Variants in TXNDC11 observed in about 807,000 individuals in gnomAD.
TXNDC11 encodes thioredoxin domain containing 11.
TXNDC11 carries 68 observed loss-of-function variants against 78.0 expected under a neutral mutation model. The ratio of observed to expected loss-of-function variants is 0.87; its 90% CI spans 0.72 to 1.07. The LOEUF (loss-of-function observed/expected upper bound fraction) is 1.07. TXNDC11 is among the 50% of genes least tolerant of loss of function. The pLI is 0.00. For missense variants in TXNDC11, 1,389 were observed against 1,221.8 expected (o/e 1.14, Z -2.04); for synonymous variants, 571 against 495.2 (o/e 1.15, Z -2.03).
In TXNDC11 at chr16:11,691,612, G is replaced by A; in HGVS notation, c.1578C>T (p.Val526=). ...VSGFIDSEQG[V]FEAPTVAFSS... is the part of the protein sequence containing the mutation. ...AAAATGCAACAGTAGGGGCTTCAAA[G>A]ACACCTTGTTCAGAGTCGATGAAGC... The change falls in exon 8 of 12, where the codon GTC becomes GTT. Residue 526 remains valine, a synonymous_variant. Coordinates refer to ENST00000283033, the MANE Select transcript of TXNDC11 (RefSeq NM_015914.7). The A allele has an allele frequency of 6.2e-7, 1 of 1,614,192 alleles. No homozygotes were observed. The highest frequency in any genetic ancestry group is 8.5e-7 in the Non-Finnish European group (1 of 1,180,046).
intron 4 of TXNDC11, among the ~76,000 whole-genome samples, chr16:11,725,226 T>C (rs1308371978): frequency 6.6e-6 from 1 of 152,072 alleles, no homozygotes; most frequent in Non-Finnish European, 1.5e-5. Context: ...GTGACTATCA[T>C]ACACAAAATA....
chr16:11,723,447 T>C (rs962408232), intron 4 of TXNDC11, among the ~76,000 whole-genome samples: 5 of 151,874 alleles, frequency 3.3e-5, no homozygotes, highest in Admixed American at 6.6e-5. Flanking sequence ...TAGCCAGCCA[T>C]GGTGGTGCAC....
At chr16:11,741,359 A>T (rs574509062) in intron 1 of TXNDC11, among the ~76,000 whole-genome samples, 1 of 152,246 alleles carries the variant, frequency 6.6e-6, no homozygotes, top group South Asian at 2.1e-4. Context: ...TATACAGCAA[A>T]TTTTGTATGT....
chr16:11,740,711 C>G (rs1480086252), intron 1 of TXNDC11, among the ~76,000 whole-genome samples: 1 of 152,212 alleles, frequency 6.6e-6, no homozygotes, highest in South Asian at 2.1e-4. Context: ...ATAAAGGATT[C>G]AAATTCCAGC....
rs1419689993 is a variant in TXNDC11, at chr16:11,691,854, C to T, written c.1336G>A (p.Val446Ile). ...TTCATGCCCCCGGAGGTCTGGTTGA[C>T]ACAGAGTTCACAGACGTTGTGGGTC... is the stretch of plus-strand genomic sequence containing the variant. Reference protein sequence around the residue: ...SRTHNVCELCVNQTSGGMKPS... With the variant: ...SRTHNVCELCINQTSGGMKPS... Residue 446 changes from valine to isoleucine, a missense_variant, in exon 8 of 12, where the codon GTC becomes ATC. Val to Ile is a conservative substitution (Grantham distance 29). Coordinates refer to ENST00000283033, the MANE Select transcript of TXNDC11 (RefSeq NM_015914.7). 4 of 1,614,148 alleles carry T rather than the reference C, an allele frequency of 2.5e-6. No individual in the cohort carries two copies. In the East Asian group the frequency reaches 6.7e-5, roughly 27 times the overall value.
At chr16:11,686,996 T>A (rs1028485074) in intron 10 of TXNDC11, among the ~76,000 whole-genome samples, 1 of 152,176 alleles carries the variant, frequency 6.6e-6, no homozygotes, top group Non-Finnish European at 1.5e-5. Flanking sequence ...TATCAAAAAC[T>A]CTCCCAACAT....
chr16:11,731,686 T>C (rs1469913840), intron 3 of TXNDC11, among the ~76,000 whole-genome samples: 1 of 140,308 alleles, frequency 7.1e-6, no homozygotes, highest in African/African-American at 3.0e-5. Context: ...GTTACAGAAA[T>C]TCACACACAC....
chr16:11,700,386 G>T lies in TXNDC11; in HGVS notation c.906+66C>A, dbSNP rs890351886. The T allele has an allele frequency of 9.9e-6, 7 of 704,166 alleles. No individual in the cohort carries two copies. In the African/African-American group the frequency reaches 1.1e-4, roughly 11 times the overall value. The allele number at this position is 704,166 out of a possible 1,614,324, so 43.6% of individuals were successfully genotyped here. On this transcript the variant is annotated intron_variant, in intron 6 of 11. Transcript: ENST00000283033. ...CATAGATTTTAACCAATTCTCAAAG[G>T]AGTCTGTGACCTAAACAAGGTTAAG... is the stretch of plus-strand genomic sequence containing the variant.
intron 5 of TXNDC11, among the ~76,000 whole-genome samples, chr16:11,710,321 A>C (rs1484568298): frequency 9.3e-6 from 1 of 107,566 alleles, no homozygotes; most frequent in East Asian, 2.2e-4. Flanking sequence ...AGTCAGCTAG[A>C]TGAGGTCTCT....
chr16:11,731,425 C>A (rs912329875), intron 3 of TXNDC11, among the ~76,000 whole-genome samples: 1 of 152,178 alleles, frequency 6.6e-6, no homozygotes, highest in East Asian at 1.9e-4. Context: ...TAAGTGATAC[C>A]ACCACTATTC....
intron 8 of TXNDC11, 58 bp from the exon 9 acceptor site, chr16:11,688,503 C>G: frequency 2.1e-6 from 3 of 1,412,764 alleles, no homozygotes; most frequent in South Asian, 2.7e-5. Context: ...GAATAGCTGG[C>G]CTACTTTTAA....
intron 1 of TXNDC11, among the ~76,000 whole-genome samples, chr16:11,739,444 T>C (rs576062687): frequency 1.3e-5 from 2 of 152,012 alleles, no homozygotes; most frequent in Non-Finnish European, 2.9e-5. Flanking sequence ...GGCAGGAGAA[T>C]TACTTGAGCC....
intron 5 of TXNDC11, chr16:11,703,684 T>C: frequency 1.4e-6 from 1 of 702,804 alleles, no homozygotes; most frequent in Non-Finnish European, 2.6e-6. Flanking sequence ...CACGTAGATC[T>C]TGGTTTCTAA....
intron 4 of TXNDC11, among the ~76,000 whole-genome samples, chr16:11,726,738 T>G (rs1381739164): frequency 6.6e-6 from 1 of 152,106 alleles, no homozygotes; most frequent in African/African-American, 2.4e-5. Flanking sequence ...CATACATGAA[T>G]AGAGTTCCAT....
intron 5 of TXNDC11, among the ~76,000 whole-genome samples, chr16:11,715,022 G>A (rs921373717): frequency 2.0e-5 from 3 of 152,088 alleles, no homozygotes; most frequent in South Asian, 2.1e-4. Flanking sequence ...AGGCCAAAGC[G>A]GGAGGATTGC....
At chr16:11,701,224 T>C (rs988302298) in intron 5 of TXNDC11, among the ~76,000 whole-genome samples, 1 of 146,720 alleles carries the variant, frequency 6.8e-6, no homozygotes, top group Non-Finnish European at 1.5e-5. Context: ...ACAACCTCCG[T>C]CTCATGGGCT....
At chr16:11,710,321 A>G (rs1484568298) in intron 5 of TXNDC11, among the ~76,000 whole-genome samples, 1 of 107,566 alleles carries the variant, frequency 9.3e-6, no homozygotes, top group Admixed American at 7.8e-5. Flanking sequence ...AGTCAGCTAG[A>G]TGAGGTCTCT....
intron 4 of TXNDC11, among the ~76,000 whole-genome samples, chr16:11,729,822 G>C (rs377005041): frequency 2.0e-5 from 3 of 152,168 alleles, no homozygotes; most frequent in African/African-American, 7.2e-5. Flanking sequence ...GCTGGGCGTG[G>C]CGTCCCACAC....
At chr16:11,702,272 A>C (rs542765095) in intron 5 of TXNDC11, among the ~76,000 whole-genome samples, 83 of 152,264 alleles carry the variant, frequency 5.5e-4, no homozygotes, top group African/African-American at 1.9e-3. Context: ...GTGTGATTAT[A>C]AAGTATTTAG....
Sources: gnomAD v4.1 joint callset for allele counts (sites outside exome capture counted in the v4.1 genomes callset) on GRCh38, gnomAD v4.1.1 for gene constraint, MANE v1.5 for transcripts, NCBI Gene and HGNC (gene_info 2026-07-23, HGNC 2026-07-21) for gene names.